The following RYR2 variants were observed in gnomAD, a reference collection of about 807,000 sequenced individuals.
RYR2 encodes the protein cardiac muscle ryanodine receptor-calcium release channel.
A neutral mutation model predicts 601.1 loss-of-function variants in RYR2; 227 were observed. That is an observed-to-expected ratio of 0.38 (90% CI 0.34 to 0.42). The LOEUF (loss-of-function observed/expected upper bound fraction) is 0.42. RYR2 is among the 10% of genes least tolerant of loss of function. The pLI is 1.00. For missense variants in RYR2, 4,646 were observed against 6,156.5 expected (o/e 0.75, Z 8.21); for synonymous variants, 2,223 against 2,175.1 (o/e 1.02, Z -0.61).
intron 101 of RYR2, among the ~76,000 whole-genome samples, chr1:237,823,805 GAGA>G: frequency 6.6e-6 from 1 of 152,008 alleles, no homozygotes; most frequent in Non-Finnish European, 1.5e-5. Context: ...AAGAAGAAAA[GAGA>G]AGAATCAAAT....
intron 1 of RYR2, among the ~76,000 whole-genome samples, chr1:237,179,956 G>C (rs780112609): frequency 6.6e-6 from 1 of 152,062 alleles, no homozygotes; most frequent in Non-Finnish European, 1.5e-5. Context: ...TTTGTAAGCC[G>C]GAAGCGCAGA....
chr1:237,067,669 T>C (rs1663818030), intron 1 of RYR2, among the ~76,000 whole-genome samples: 1 of 152,234 alleles, frequency 6.6e-6, no homozygotes, highest in Admixed American at 6.5e-5. Flanking sequence ...CACCGGGGTT[T>C]CGATAAGAAT....
At chr1:237,558,058 G>A (rs955210876) in intron 27 of RYR2, among the ~76,000 whole-genome samples, 2 of 152,314 alleles carry the variant, frequency 1.3e-5, no homozygotes, top group South Asian at 4.1e-4. Flanking sequence ...GAGGTTGAAA[G>A]TACAGTAAGA....
intron 1 of RYR2, among the ~76,000 whole-genome samples, chr1:237,158,387 A>G (rs181558393): frequency 6.6e-6 from 1 of 152,206 alleles, no homozygotes; most frequent in East Asian, 1.9e-4. Context: ...GAAGAAAGAG[A>G]TTAGAGTTCA....
intron 79 of RYR2, among the ~76,000 whole-genome samples, chr1:237,737,571 T>G (rs896152440): frequency 1.3e-5 from 2 of 152,254 alleles, no homozygotes; most frequent in African/African-American, 4.8e-5. Flanking sequence ...ATTTTTTAAT[T>G]AAGTATATGT....
intron 29 of RYR2, among the ~76,000 whole-genome samples, chr1:237,587,415 A>G (rs898529871): frequency 6.6e-6 from 1 of 152,178 alleles, no homozygotes; most frequent in African/African-American, 2.4e-5. Context: ...ATATACATTG[A>G]AGAAAATTTG....
At chr1:237,256,767 C>G (rs747770348) in intron 1 of RYR2, among the ~76,000 whole-genome samples, 3 of 152,202 alleles carry the variant, frequency 2.0e-5, no homozygotes, top group Non-Finnish European at 4.4e-5. Context: ...TTTTCCATCT[C>G]TAAAATGCAA....
intron 2 of RYR2, among the ~76,000 whole-genome samples, chr1:237,285,141 ATTCAGTATTATGTTGGCTGAGGGT>A (rs1263285043): frequency 6.6e-6 from 1 of 152,036 alleles, no homozygotes; most frequent in Admixed American, 6.5e-5. Flanking sequence ...ACTTTTCCCC[ATTCAGTATTATGTTGGCTGAGGGT>A]TTGTCTTAGA....
intron 56 of RYR2, 139 bp from the exon 57 acceptor site, chr1:237,666,373 T>C: frequency 1.4e-6 from 1 of 695,084 alleles, no homozygotes; most frequent in Non-Finnish European, 2.5e-6. Context: ...GTTTACAACA[T>C]CATTTTGTAT....
chr1:237,350,546 G>T (rs544486342), intron 3 of RYR2, among the ~76,000 whole-genome samples: 9 of 115,900 alleles, frequency 7.8e-5, no homozygotes, highest in Non-Finnish European at 1.5e-4. Flanking sequence ...ACTCCAGCCT[G>T]GGTGACAAAA....
At chr1:237,522,982 T>G (rs1667234416) in intron 24 of RYR2, among the ~76,000 whole-genome samples, 1 of 87,744 alleles carries the variant, frequency 1.1e-5, no homozygotes, top group Non-Finnish European at 2.7e-5. Context: ...TCACCACCCT[T>G]CAGCAGACTT....
intron 11 of RYR2, among the ~76,000 whole-genome samples, chr1:237,420,053 T>C (rs1487624371): frequency 6.6e-6 from 1 of 152,180 alleles, no homozygotes; most frequent in African/African-American, 2.4e-5. Context: ...TACTATATAT[T>C]TGTTGTAGTT....
chr1:237,505,927 C>A (rs1665175201), intron 22 of RYR2, among the ~76,000 whole-genome samples: 1 of 152,272 alleles, frequency 6.6e-6, no homozygotes, highest in Non-Finnish European at 1.5e-5. Flanking sequence ...TATTTAGAAA[C>A]CACTAACAGT....
At chr1:237,821,060 G>A (rs549090516) in intron 101 of RYR2, among the ~76,000 whole-genome samples, 1 of 152,278 alleles carries the variant, frequency 6.6e-6, no homozygotes, top group South Asian at 2.1e-4. Context: ...ATCTCCTTGG[G>A]AGAGAGCACC....
At chr1:237,802,983 T>C (rs1274285285) in intron 98 of RYR2, among the ~76,000 whole-genome samples, 1 of 152,226 alleles carries the variant, frequency 6.6e-6, no homozygotes, top group Non-Finnish European at 1.5e-5. Flanking sequence ...TGGCTTCTGT[T>C]TGGCCAATCA....
chr1:237,654,254 A>G lies in RYR2; in HGVS notation c.7825-20A>G, dbSNP rs575324706. Reference sequence around the variant, plus strand: ...AAGGTTTTGATAGCTCATTGCTTTTATAATTGTTTTCCCACATAGCTGCTG... The same window carrying G: ...AAGGTTTTGATAGCTCATTGCTTTTGTAATTGTTTTCCCACATAGCTGCTG... On this transcript the variant is annotated intron_variant, in intron 51 of 104. Coordinates refer to ENST00000366574, the MANE Select transcript of RYR2 (RefSeq NM_001035.3). The G allele has an allele frequency of 3.7e-6, 6 of 1,611,350 alleles. No homozygotes were observed. The African/African-American group carries it at 4.0e-5, about 11-fold the overall frequency.
At chr1:237,785,524 T>C (rs924362448) in intron 90 of RYR2, among the ~76,000 whole-genome samples, 1 of 152,168 alleles carries the variant, frequency 6.6e-6, no homozygotes, top group African/African-American at 2.4e-5. Context: ...GAGATAAAAC[T>C]AACACACATG....
At chr1:237,134,219 C>A (rs898165338) in intron 1 of RYR2, among the ~76,000 whole-genome samples, 1 of 152,162 alleles carries the variant, frequency 6.6e-6, no homozygotes, top group Non-Finnish European at 1.5e-5. Flanking sequence ...TGGCTTGGCA[C>A]ACATTACTGA....
intron 2 of RYR2, among the ~76,000 whole-genome samples, chr1:237,327,449 G>A (rs1696277859): frequency 1.3e-5 from 2 of 152,140 alleles, no homozygotes; most frequent in Non-Finnish European, 1.5e-5. Flanking sequence ...AGATATTACA[G>A]CAATCCTTAC....
Sources: gnomAD v4.1 joint callset for allele counts (sites outside exome capture counted in the v4.1 genomes callset) on GRCh38, gnomAD v4.1.1 for gene constraint, MANE v1.5 for transcripts, NCBI Gene and HGNC (gene_info 2026-07-23, HGNC 2026-07-21) for gene names.